The following KSR2 variants were observed in gnomAD, a reference collection of about 807,000 sequenced individuals.
The protein encoded by KSR2 is kinase suppressor of ras 2.
In KSR2, 25 loss-of-function variants were observed where a neutral mutation model predicts 107.8. The observed-to-expected ratio is 0.23, with a 90% CI of 0.17 to 0.32. The LOEUF (loss-of-function observed/expected upper bound fraction) is 0.32, where lower values mean the gene tolerates loss of function less well. KSR2 is among the 10% of genes least tolerant of loss of function. KSR2 has a pLI of 1.00. For synonymous variants in KSR2, 480 were observed against 507.0 expected (o/e 0.95, Z 0.71); for missense variants, 887 against 1,268.9 (o/e 0.70, Z 4.57).
At position 117,795,575 on chromosome 12, in the gene KSR2, G is replaced by A. The variant is rs1008413566; in HGVS notation, c.473-34051C>T. Among the ~76,000 whole-genome samples the A allele has an allele frequency of 4.6e-5, 7 of 152,304 alleles. No individual in the cohort carries two copies. The South Asian group carries it at 6.2e-4, about 14-fold the overall frequency. On this transcript the variant is annotated intron_variant, in intron 3 of 19. Coordinates refer to ENST00000339824, the MANE Select transcript of KSR2 (RefSeq NM_173598.6). ...CTCCAAGATGCAGGAAAGAGGTTGC[G>A]ACAGCTTCCTGGCAAGAATTCAGAG... is the stretch of plus-strand genomic sequence containing the variant.
intron 5 of KSR2, among the ~76,000 whole-genome samples, chr12:117,658,507 T>C (rs1023470287): frequency 1.8e-4 from 27 of 152,344 alleles, no homozygotes; most frequent in Admixed American, 8.5e-4. Flanking sequence ...GTATTGTCTC[T>C]GGATGCTTTG....
intron 3 of KSR2, among the ~76,000 whole-genome samples, chr12:117,784,417 G>A (rs1411038495): frequency 2.6e-5 from 4 of 152,196 alleles, no homozygotes; most frequent in Non-Finnish European, 4.4e-5. Context: ...CCCCAGCCAC[G>A]TGGAACAGTG....
intron 14 of KSR2, among the ~76,000 whole-genome samples, chr12:117,508,471 G>T (rs1391323946): frequency 2.0e-5 from 3 of 152,128 alleles, no homozygotes; most frequent in Non-Finnish European, 2.9e-5. Flanking sequence ...ATGGGTGCAT[G>T]AATGGATAGG....
At chr12:117,773,806 G>A (rs1889591391) in intron 3 of KSR2, among the ~76,000 whole-genome samples, 1 of 152,264 alleles carries the variant, frequency 6.6e-6, no homozygotes, top group Admixed American at 6.5e-5. Context: ...TATTTGACTG[G>A]AATCACAGGA....
At chr12:117,926,528 C>G (rs980035872) in intron 1 of KSR2, among the ~76,000 whole-genome samples, 1 of 152,222 alleles carries the variant, frequency 6.6e-6, no homozygotes, top group African/African-American at 2.4e-5. Flanking sequence ...GCCTCTCTCT[C>G]TGGAGGGACT....
At chr12:117,514,034 C>A (rs893993619) in intron 14 of KSR2, among the ~76,000 whole-genome samples, 1 of 152,226 alleles carries the variant, frequency 6.6e-6, no homozygotes, top group African/African-American at 2.4e-5. Flanking sequence ...TTTGTTTAAC[C>A]ACTGCCTGCC....
intron 1 of KSR2, among the ~76,000 whole-genome samples, chr12:117,900,758 C>G (rs1894656190): frequency 6.6e-6 from 1 of 152,192 alleles, no homozygotes; most frequent in Admixed American, 6.5e-5. Flanking sequence ...TTGAGTCACA[C>G]ACTCACTATA....
intron 1 of KSR2, among the ~76,000 whole-genome samples, chr12:117,867,400 C>T (rs2137271392): frequency 6.6e-6 from 1 of 152,244 alleles, no homozygotes; most frequent in East Asian, 1.9e-4. Context: ...AAGTCCTTTC[C>T]ACACCCACCT....
chr12:117,638,366 G>A (rs1883204096), intron 5 of KSR2, among the ~76,000 whole-genome samples: 1 of 152,064 alleles, frequency 6.6e-6, no homozygotes, highest in Admixed American at 6.6e-5. Context: ...ACGTCCATGG[G>A]CCCTGGATGA....
intron 9 of KSR2, among the ~76,000 whole-genome samples, chr12:117,550,465 A>G (rs931725946): frequency 6.6e-6 from 1 of 152,198 alleles, no homozygotes; most frequent in African/African-American, 2.4e-5. Context: ...AAACAGACAC[A>G]CTTGTCTTAT....
intron 5 of KSR2, among the ~76,000 whole-genome samples, chr12:117,658,127 C>A (rs1884265399): frequency 6.6e-6 from 1 of 152,160 alleles, no homozygotes; most frequent in South Asian, 2.1e-4. Context: ...TGTGACGGGG[C>A]AGAGAGAGAA....
intron 5 of KSR2, among the ~76,000 whole-genome samples, chr12:117,601,171 A>G (rs912333795): frequency 1.3e-5 from 2 of 152,160 alleles, no homozygotes; most frequent in African/African-American, 2.4e-5. Flanking sequence ...TGCTTAGAAC[A>G]GTGCCTAGCA....
chr12:117,966,331 AT>A (rs1262876482), intron 1 of KSR2, among the ~76,000 whole-genome samples: 2 of 152,212 alleles, frequency 1.3e-5, no homozygotes, highest in Non-Finnish European at 2.9e-5. Flanking sequence ...TATTGACTGC[AT>A]GCAGGTCTGA....
chr12:117,583,737 C>T (rs1879833449), intron 5 of KSR2, among the ~76,000 whole-genome samples: 1 of 152,054 alleles, frequency 6.6e-6, no homozygotes, highest in Admixed American at 6.6e-5. Context: ...CTTGCAGGCC[C>T]CAGAGAGCTG....
At chr12:117,795,878 C>G (rs1890606767) in intron 3 of KSR2, among the ~76,000 whole-genome samples, 1 of 152,038 alleles carries the variant, frequency 6.6e-6, no homozygotes, top group African/African-American at 2.4e-5. Flanking sequence ...CCCAAAGCGC[C>G]AGGACTACAG....
At chr12:117,906,504 G>A (rs1894851050) in intron 1 of KSR2, among the ~76,000 whole-genome samples, 1 of 152,018 alleles carries the variant, frequency 6.6e-6, no homozygotes, top group African/African-American at 2.4e-5. Context: ...TACTTGGAAG[G>A]CTGAAGCAGG....
chr12:117,531,592 A>C, intron 11 of KSR2, 74 bp downstream of exon 11: 3 of 1,337,598 alleles, frequency 2.2e-6, no homozygotes, highest in Non-Finnish European at 3.2e-6. Flanking sequence ...ATCTGCCTCC[A>C]TTCATCCCAG....
intron 3 of KSR2, among the ~76,000 whole-genome samples, chr12:117,771,133 G>A (rs1229984084): frequency 6.6e-6 from 1 of 152,126 alleles, no homozygotes; most frequent in Non-Finnish European, 1.5e-5. Context: ...ATAAATCTTG[G>A]AAGACCCAAA....
chr12:117,604,395 C>G (rs1881117007), intron 5 of KSR2, among the ~76,000 whole-genome samples: 1 of 152,156 alleles, frequency 6.6e-6, no homozygotes, highest in Non-Finnish European at 1.5e-5. Flanking sequence ...AATCTGTTTT[C>G]AATTCGTTTG....
Sources: allele counts gnomAD v4.1 joint callset (sites outside exome capture counted in the v4.1 genomes callset), GRCh38; gene constraint gnomAD v4.1.1; transcripts MANE v1.5; gene names NCBI Gene and HGNC (gene_info 2026-07-23, HGNC 2026-07-21).